Variants in CA4 observed in about 807,000 individuals in gnomAD.
CA4 encodes carbonic anhydrase 4.
A neutral mutation model predicts 34.5 loss-of-function variants in CA4; 24 were observed. The observed-to-expected ratio is 0.70, with a 90% CI of 0.50 to 0.98. CA4 has a LOEUF of 0.98. Ranked by LOEUF, CA4 falls within the 50% of genes least tolerant of loss-of-function variation. CA4 has a pLI of 0.00. For synonymous variants in CA4, 178 were observed against 170.6 expected (o/e 1.04, Z -0.34); for missense variants, 394 against 396.7 (o/e 0.99, Z 0.06).
chr17:60,157,825 G>A (rs531149141), intron 5 of CA4, 37 bp downstream of exon 5: 3 of 1,581,750 alleles, frequency 1.9e-6, no homozygotes, highest in East Asian at 2.2e-5. Flanking sequence ...GGGAACCCGG[G>A]GCTGAGAGCT....
downstream of CA4, among the ~76,000 whole-genome samples, chr17:60,161,012 C>T (rs1244617875): frequency 1.3e-5 from 2 of 151,760 alleles, no homozygotes; most frequent in Non-Finnish European, 1.5e-5. Context: ...AGGCAGAACG[C>T]AGGGACAGTT....
downstream of CA4, among the ~76,000 whole-genome samples, chr17:60,164,169 CCT>C (rs749131087): frequency 4.5e-4 from 64 of 140,904 alleles, no homozygotes; most frequent in East Asian, 8.1e-4. Flanking sequence ...TCCCTCCCTC[CCT>C]CTCTCTCTCT....
chr17:60,172,204 C>T (rs1370386612), downstream of CA4, among the ~76,000 whole-genome samples: 1 of 152,146 alleles, frequency 6.6e-6, no homozygotes, highest in Admixed American at 6.6e-5. Flanking sequence ...GCAGAGAAGC[C>T]CCGTCCCCTT....
chr17:60,159,857 G>A (rs115937053), downstream of CA4, among the ~76,000 whole-genome samples: 433 of 152,314 alleles, frequency 2.8e-3, 2 homozygotes, highest in African/African-American at 9.8e-3. Flanking sequence ...GACAAGGTTG[G>A]GGCCGGGCAT....
At position 60,158,359 on chromosome 17, in the gene CA4, C is replaced by T. The variant is rs1334880754; in HGVS notation, c.657C>T (p.Arg219=). ...AGGAGAAACTGAGGCACTACTTCCGCTACCTGGGCTCACTCACCACACCGA... is the reference window on the plus strand; with the variant it reads ...AGGAGAAACTGAGGCACTACTTCCGTTACCTGGGCTCACTCACCACACCGA... ...PKEEKLRHYF[R]YLGSLTTPTC... The change falls in exon 7 of 8, where the codon CGC becomes CGT. Residue 219 remains arginine (R), a synonymous_variant. Coordinates refer to ENST00000300900, the MANE Select transcript of CA4 (RefSeq NM_000717.5). 5 of 1,614,176 alleles carry T rather than the reference C, an allele frequency of 3.1e-6. No homozygotes were observed. In the South Asian group the frequency reaches 4.4e-5, roughly 14 times the overall value.
Position 60,156,633 on chromosome 17 carries a change from G to C in CA4, c.186G>C (p.Lys62Asn), listed in dbSNP as rs765497362. Residue 62 changes from lysine to asparagine, a missense_variant, in exon 3 of 8, where the codon AAG becomes AAC. By Grantham distance (94) the Lys-to-Asn change is moderately conservative (BLOSUM62 0). Coordinates refer to ENST00000300900, the MANE Select transcript of CA4 (RefSeq NM_000717.5). ...SPINIVTTKAKVDKKLGRFFF... is the reference protein window; with the variant it reads ...SPINIVTTKANVDKKLGRFFF... Reference sequence around the variant, plus strand: ...TCAACATCGTCACCACCAAGGCAAAGGTGGACAAAAAACTGGGACGCTTCT... The same window carrying C: ...TCAACATCGTCACCACCAAGGCAAACGTGGACAAAAAACTGGGACGCTTCT... The C allele has an allele frequency of 1.4e-5, 22 of 1,614,020 alleles. No homozygotes were observed. Among genetic ancestry groups the C allele is most frequent in the Non-Finnish European group, 1.8e-5 (21 of 1,179,966 alleles).
At chr17:60,158,204 G>A in intron 6 of CA4, 77 bp downstream of exon 6, 1 of 1,605,766 alleles carries the variant, frequency 6.2e-7, no homozygotes, top group Non-Finnish European at 8.5e-7. Flanking sequence ...GGTGTGCGGG[G>A]AGCTGGGCTC....
downstream of CA4, among the ~76,000 whole-genome samples, chr17:60,171,556 A>T (rs2083910722): frequency 6.6e-6 from 1 of 152,218 alleles, no homozygotes; most frequent in Non-Finnish European, 1.5e-5. Flanking sequence ...GAGCACTGTC[A>T]ACTCCTCTTG....
chr17:60,163,696 C>T (rs1158527299), downstream of CA4, among the ~76,000 whole-genome samples: 3 of 152,178 alleles, frequency 2.0e-5, no homozygotes, highest in Non-Finnish European at 2.9e-5. Flanking sequence ...GCAGAGCCCT[C>T]GGCTGGACAC....
intron 5 of CA4, among the ~76,000 whole-genome samples, chr17:60,167,178 G>A (rs2083864216): frequency 6.6e-6 from 1 of 152,166 alleles, no homozygotes; most frequent in African/African-American, 2.4e-5. Context: ...CCCTTATACT[G>A]AGTGCTGCTG....
chr17:60,173,938 G>C (rs761222667), downstream of CA4, among the ~76,000 whole-genome samples: 5 of 152,186 alleles, frequency 3.3e-5, no homozygotes, highest in Admixed American at 6.5e-5. Flanking sequence ...CTAGCAGAGA[G>C]CTCTGTACGT....
chr17:60,160,639 C>T (rs2083776150), downstream of CA4, among the ~76,000 whole-genome samples: 1 of 151,402 alleles, frequency 6.6e-6, no homozygotes, highest in Non-Finnish European at 1.5e-5. Context: ...TGGCGGGTGC[C>T]GGTAATTCAG....
At chr17:60,154,475 C>T (rs1041979714) in intron 1 of CA4, among the ~76,000 whole-genome samples, 3 of 152,168 alleles carry the variant, frequency 2.0e-5, no homozygotes, top group African/African-American at 4.8e-5. Context: ...ATGTTGTGTT[C>T]GCCCTGCTGG....
chr17:60,160,285 GT>G (rs766178525), downstream of CA4, among the ~76,000 whole-genome samples: 5 of 152,228 alleles, frequency 3.3e-5, no homozygotes, highest in Non-Finnish European at 7.3e-5. Context: ...GCGAAAGGAA[GT>G]TCATTTGTTT....
rs781348438 is a variant in CA4 at position 60,149,998 on chromosome 17, G to A, written c.-37G>A. ...ACCCGCGGCGGCCTCCTCGGTGCGC[G>A]ACCCCCGGCTCAGAGGACTCTTTGC... On this transcript the variant is annotated 5_prime_UTR_variant, in exon 1 of 8. Transcript: ENST00000300900. The A allele has an allele frequency of 2.5e-6, 4 of 1,578,536 alleles. No homozygotes were observed. The Admixed American group carries it at 5.1e-5, about 20-fold the overall frequency.
chr17:60,161,822 CTGGAACCTGTTCTTTGGTT>C, downstream of CA4, among the ~76,000 whole-genome samples: 1 of 152,166 alleles, frequency 6.6e-6, no homozygotes, highest in Non-Finnish European at 1.5e-5. Context: ...GACGCAGAAC[CTGGAACCTGTTCTTTGGTT>C]CCCACACAGA....
intron 3 of CA4, 42 bp downstream of exon 3, chr17:60,156,757 T>A: frequency 6.3e-7 from 1 of 1,585,738 alleles, no homozygotes; most frequent in Non-Finnish European, 8.7e-7. Flanking sequence ...GGCACCCGAG[T>A]TCCCCAAGGA....
intron 5 of CA4, among the ~76,000 whole-genome samples, chr17:60,167,627 T>C (rs2083868462): frequency 1.3e-5 from 2 of 152,262 alleles, no homozygotes; most frequent in South Asian, 2.1e-4. Context: ...TGGGCAAAGA[T>C]AAGCCTGGTT....
downstream of CA4, among the ~76,000 whole-genome samples, chr17:60,161,964 C>A (rs1397326347): frequency 6.6e-6 from 1 of 152,016 alleles, no homozygotes; most frequent in Non-Finnish European, 1.5e-5. Context: ...CTCCAGGCAA[C>A]CTTAGTGAAT....
Sources: allele counts gnomAD v4.1 joint callset (sites outside exome capture counted in the v4.1 genomes callset), GRCh38; gene constraint gnomAD v4.1.1; transcripts MANE v1.5; gene names NCBI Gene and HGNC (gene_info 2026-07-23, HGNC 2026-07-21).